MORC1: variants seen among roughly 807,000 people sequenced by gnomAD.
MORC1 encodes MORC family CW-type zinc finger 1, also known as MORC family CW-type zinc finger protein 1.
A neutral mutation model predicts 134.9 loss-of-function variants in MORC1; 59 were observed. The ratio of observed to expected loss-of-function variants is 0.44; its 90% CI spans 0.35 to 0.54. MORC1 has a LOEUF of 0.54. MORC1 is among the 20% of genes least tolerant of loss of function. The pLI is 0.00. For missense variants in MORC1, 947 were observed against 1,134.5 expected (o/e 0.83, Z 2.37); for synonymous variants, 395 against 391.7 (o/e 1.01, Z -0.10).
In MORC1 at chr3:109,063,228, C is replaced by A. The variant is rs74456733; in HGVS notation, c.819G>T (p.Lys273Asn). 1.3e-3 allele frequency: 2,016 copies of A among 1,568,156 alleles called. 25 individuals carry two copies. The African/African-American group carries it at 0.023, about 18-fold the overall frequency. Residue 273 changes from lysine (K) to asparagine (N), a missense_variant, in exon 10 of 28, where the codon AAG (lysine) becomes AAT (asparagine). Around this residue, in one of 3 missense-constraint regions of MORC1, gnomAD observed 722 missense variants for 817.0 expected, o/e 0.88. Transcript: ENST00000232603. ...HLCYCLYRPR[K>N]YLYVTSSFKG... ...TAAAAGAAGATGTGACATAAAGATA[C>A]TTTCTGGAAAGAAACAAAAAGAACA...
Position 109,069,524 on chromosome 3 carries a change from G to A in MORC1, c.815+108C>T, listed in dbSNP as rs565014899. On this transcript the variant is annotated intron_variant, in intron 9 of 27. Coordinates refer to ENST00000232603, the MANE Select transcript of MORC1 (RefSeq NM_014429.4). ...ATGTGGTTTAAATTTTGTTTACAAT[G>A]TAAAAATCTTACTATCAAAGTCAAT... The A allele has an allele frequency of 9.0e-5, 101 of 1,117,860 alleles. No homozygotes were observed. In the Middle Eastern group the frequency reaches 1.6e-3, roughly 18 times the overall value. 69.2% of individuals were successfully genotyped at this position (1,117,860 alleles called of 1,614,324 possible).
At chr3:109,094,637 G>A (rs1950793803) in intron 7 of MORC1, among the ~76,000 whole-genome samples, 1 of 152,090 alleles carries the variant, frequency 6.6e-6, no homozygotes, top group African/African-American at 2.4e-5. Flanking sequence ...CGACTGTGGA[G>A]TCCCTGTGGT....
intron 14 of MORC1, among the ~76,000 whole-genome samples, chr3:109,046,467 T>C (rs1949699140): frequency 6.6e-6 from 1 of 152,202 alleles, no homozygotes; most frequent in South Asian, 2.1e-4. Flanking sequence ...AAAAATCAAG[T>C]CCAAAGTGTA....
intron 8 of MORC1, among the ~76,000 whole-genome samples, chr3:109,085,500 A>G (rs1176855127): frequency 1.3e-5 from 2 of 152,162 alleles, no homozygotes; most frequent in South Asian, 2.1e-4. Flanking sequence ...CCAAAGGTAT[A>G]TGGAAAAATG....
intron 6 of MORC1, among the ~76,000 whole-genome samples, chr3:109,096,218 T>C (rs1950828655): frequency 6.6e-6 from 1 of 152,170 alleles, no homozygotes; most frequent in African/African-American, 2.4e-5. Flanking sequence ...TCAGTGAAAG[T>C]GTCAGAGGTG....
intron 27 of MORC1, 123 bp downstream of exon 27, chr3:108,963,291 A>G: frequency 1.4e-6 from 1 of 723,228 alleles, no homozygotes; most frequent in Non-Finnish European, 2.3e-6. Flanking sequence ...TTATGCAGAG[A>G]GTAAGGGCTG....
At chr3:109,049,655 T>C (rs1266358272) in intron 14 of MORC1, among the ~76,000 whole-genome samples, 1 of 151,898 alleles carries the variant, frequency 6.6e-6, no homozygotes, top group Non-Finnish European at 1.5e-5. Flanking sequence ...CTGGAAAAAA[T>C]AAGAAAAGAG....
intron 1 of MORC1, among the ~76,000 whole-genome samples, chr3:109,117,102 T>C (rs938059029): frequency 6.6e-6 from 1 of 152,196 alleles, no homozygotes; most frequent in Admixed American, 6.5e-5. Context: ...CTTTTAACTT[T>C]TTGTTCCACC....
At chr3:109,005,039 T>C in intron 19 of MORC1, 31 bp downstream of exon 19, 2 of 1,590,314 alleles carry the variant, frequency 1.3e-6, no homozygotes, top group Non-Finnish European at 8.5e-7. Flanking sequence ...AATGAGTGAA[T>C]TGTTTTGTGA....
At chr3:109,076,987 A>AAT in intron 8 of MORC1, among the ~76,000 whole-genome samples, 1 of 151,756 alleles carries the variant, frequency 6.6e-6, no homozygotes, top group Middle Eastern at 3.4e-3. Context: ...AAAAAAAAAA[A>AAT]AAGTTAAGAG....
chr3:109,104,588 G>A (rs566844511), intron 3 of MORC1, among the ~76,000 whole-genome samples: 1 of 152,276 alleles, frequency 6.6e-6, no homozygotes, highest in Admixed American at 6.5e-5. Flanking sequence ...AACTTTGGGA[G>A]GCTAAGGCAA....
At chr3:108,996,768 T>G (rs1263402745) in intron 21 of MORC1, among the ~76,000 whole-genome samples, 1 of 151,974 alleles carries the variant, frequency 6.6e-6, no homozygotes, top group Non-Finnish European at 1.5e-5. Flanking sequence ...CCCAGCACTC[T>G]GGGAGGCTGA....
At chr3:108,977,718 G>C (rs780599704) in intron 24 of MORC1, among the ~76,000 whole-genome samples, 25 of 152,054 alleles carry the variant, frequency 1.6e-4, no homozygotes, top group Non-Finnish European at 3.4e-4. Flanking sequence ...AACATATCAG[G>C]GTTCAAATTT....
chr3:108,973,082 A>C (rs1238492876), intron 24 of MORC1, among the ~76,000 whole-genome samples: 3 of 152,226 alleles, frequency 2.0e-5, no homozygotes, highest in Non-Finnish European at 2.9e-5. Flanking sequence ...AATTAGACAC[A>C]TAATAGATAT....
In MORC1 at chr3:109,040,352, C is replaced by CAGAA. The variant is rs1553753581; in HGVS notation, c.1331-4885_1331-4884insTTCT. Among the ~76,000 whole-genome samples the CAGAA allele has an allele frequency of 3.7e-3, 132 of 35,948 alleles. 25 individuals are homozygous for CAGAA. Among genetic ancestry groups the CAGAA allele is most frequent in the South Asian group, 0.011 (9 of 850 alleles). The allele number at this position is 35,948 out of a possible 152,430, so 23.6% of individuals were successfully genotyped here. On this transcript the variant is annotated intron_variant, in intron 14 of 27. Coordinates refer to ENST00000232603, the MANE Select transcript of MORC1 (RefSeq NM_014429.4). ...GACTGTCTCAAAGACACTCAAAGAACTGAAAGAAAGAAAGAAAGAAAGAAA... is the reference window on the plus strand; with the variant it reads ...GACTGTCTCAAAGACACTCAAAGAACAGAATGAAAGAAAGAAAGAAAGAAAGAAA...
intron 21 of MORC1, among the ~76,000 whole-genome samples, chr3:108,995,771 AAGGC>A (rs1269827288): frequency 6.6e-6 from 1 of 152,176 alleles, no homozygotes; most frequent in Non-Finnish European, 1.5e-5. Context: ...TAGGCTGGGC[AAGGC>A]ATGGATGATG....
At chr3:109,053,587 A>T (rs921565995) in intron 14 of MORC1, among the ~76,000 whole-genome samples, 9 of 152,184 alleles carry the variant, frequency 5.9e-5, no homozygotes, top group Non-Finnish European at 1.2e-4. Context: ...GTAAACATGA[A>T]CATAAAGATG....
At chr3:109,070,905 T>A (rs538723274) in intron 8 of MORC1, among the ~76,000 whole-genome samples, 4 of 152,084 alleles carry the variant, frequency 2.6e-5, no homozygotes, top group Non-Finnish European at 4.4e-5. Flanking sequence ...TTCTCTTAAA[T>A]AAGTCTTGAG....
At chr3:108,995,745 C>T (rs2715701) in intron 21 of MORC1, among the ~76,000 whole-genome samples, 111,310 of 151,972 alleles carry the variant, frequency 0.73, 41,491 homozygotes, top group Non-Finnish European at 0.79. Flanking sequence ...TGGAGGGAAA[C>T]GGGCTAAAGA....
Sources: allele counts gnomAD v4.1 joint callset (sites outside exome capture counted in the v4.1 genomes callset), GRCh38; gene constraint gnomAD v4.1.1; regional missense constraint gnomAD v4.1.1; transcripts MANE v1.5; gene names NCBI Gene and HGNC (gene_info 2026-07-23, HGNC 2026-07-21).